WNT4: variants seen among roughly 807,000 people sequenced by gnomAD.
WNT4 encodes the protein protein Wnt-4.
Under a neutral mutation model 34.5 loss-of-function variants are expected in WNT4, and 16 were observed. The ratio of observed to expected loss-of-function variants is 0.46; its 90% CI spans 0.31 to 0.70. WNT4 has a LOEUF of 0.70. WNT4 is among the 30% of genes least tolerant of loss of function. The probability of loss-of-function intolerance (pLI) is 0.04; values close to 1 mark genes in which losing one functional copy is unlikely to be tolerated. For synonymous variants in WNT4, 200 were observed against 211.9 expected (o/e 0.94, Z 0.49); for missense variants, 379 against 495.9 (o/e 0.76, Z 2.24).
intron 1 of WNT4, among the ~76,000 whole-genome samples, chr1:22,132,760 C>T (rs888285415): frequency 2.0e-5 from 3 of 152,156 alleles, no homozygotes; most frequent in Admixed American, 1.3e-4. Flanking sequence ...CAACCTCTTC[C>T]GTTGGCACCA....
Position 22,117,444 on chromosome 1 carries a change from T to C in WNT4, c.*2606A>G, listed in dbSNP as rs1645858605. On this transcript the variant is annotated 3_prime_UTR_variant, in exon 5 of 5. Coordinates refer to ENST00000290167, the MANE Select transcript of WNT4 (RefSeq NM_030761.5). ...TAGCAGCATCCAGAGCTGGGCTTTA[T>C]CCAGCCCTAGGCCTCAGGGCATCAC... The C allele has an allele frequency of 6.6e-6, 1 of 152,280 alleles. No individual in the cohort carries two copies. The highest frequency in any genetic ancestry group is 1.5e-5 in the Non-Finnish European group (1 of 68,066). 9.4% of individuals were successfully genotyped at this position (152,280 alleles called of 1,614,324 possible). A position where few individuals can be genotyped will look rare whatever the true frequency, so the allele number is the denominator to read the frequency against.
chr1:22,124,764 G>A (rs1378935401), intron 2 of WNT4, among the ~76,000 whole-genome samples: 1 of 152,182 alleles, frequency 6.6e-6, no homozygotes, highest in African/African-American at 2.4e-5. Flanking sequence ...AGTTAGGAGT[G>A]TTTGGAGAAC....
intron 1 of WNT4, among the ~76,000 whole-genome samples, chr1:22,138,215 C>T (rs1418568564): frequency 6.6e-6 from 1 of 152,182 alleles, no homozygotes; most frequent in Non-Finnish European, 1.5e-5. Flanking sequence ...AGTCCTGCTT[C>T]TGATTTGCAG....
chr1:22,141,308 C>T (rs768087121), intron 1 of WNT4, among the ~76,000 whole-genome samples: 10 of 152,020 alleles, frequency 6.6e-5, no homozygotes, highest in Non-Finnish European at 1.5e-4. Context: ...TTTGGCGGTG[C>T]TGGGCAGGTG....
In WNT4 at chr1:22,121,660, G is replaced by A. The variant is rs1645899657; in HGVS notation, c.314-84C>T. 4 of 1,561,660 alleles carry A rather than the reference G, an allele frequency of 2.6e-6. No homozygotes were observed. In the Admixed American group the frequency reaches 5.6e-5, roughly 22 times the overall value. On this transcript the variant is annotated intron_variant, in intron 2 of 4. Coordinates refer to ENST00000290167, the MANE Select transcript of WNT4 (RefSeq NM_030761.5). The stretch of plus-strand genomic sequence containing the variant: ...TTGTAGAGGGGGAGGGGCATATGGA[G>A]CCTCCTGCTTGCTGGAGGCCAGGAG...
At chr1:22,125,990 T>G (rs368292132) in intron 2 of WNT4, among the ~76,000 whole-genome samples, 1 of 152,268 alleles carries the variant, frequency 6.6e-6, no homozygotes. Context: ...TTACCTATTA[T>G]GTGCAGGTCC....
rs752231863 is a variant in WNT4 at position 22,120,156 on chromosome 1, G to C, written c.950C>G (p.Thr317Arg). 24 of 1,613,532 alleles carry C rather than the reference G, an allele frequency of 1.5e-5. No individual in the cohort carries two copies. The highest frequency in any genetic ancestry group is 1.9e-5 in the Non-Finnish European group (23 of 1,179,918). Residue 317 changes from threonine (T) to arginine (R), a missense_variant, in exon 5 of 5, where the codon ACG (threonine) becomes AGG (arginine). Physicochemically the swap from Thr to Arg is moderately conservative, Grantham distance 71. Around this residue, in one of 2 missense-constraint regions of WNT4, gnomAD observed 313 missense variants for 445.8 expected, o/e 0.70. Coordinates refer to ENST00000290167, the MANE Select transcript of WNT4 (RefSeq NM_030761.5). ...GCGTTCAGCCAGCTCCACCTGCGCCGTGTGGAAGCCGCGGCCACAGCACAG... is the reference window on the plus strand; with the variant it reads ...GCGTTCAGCCAGCTCCACCTGCGCCCTGTGGAAGCCGCGGCCACAGCACAG... Reference protein sequence around the residue: ...ELLCCGRGFHTAQVELAERCS... With the variant: ...ELLCCGRGFHRAQVELAERCS...
rs1646059215 is a variant in WNT4 at position 22,140,638 on chromosome 1, T to C, written c.77+2208A>G. The stretch of plus-strand genomic sequence containing the variant: ...TGGCCAGCTGATTGTTCGACAGAGG[T>C]TGATAAATATTGGACCAACCTTGGT... On this transcript the variant is annotated intron_variant, in intron 1 of 4. Coordinates refer to ENST00000290167, the MANE Select transcript of WNT4 (RefSeq NM_030761.5). The surrounding 1 kb of genome is among the most constrained non-coding windows in gnomAD (Gnocchi z 5.9). 6.6e-6 allele frequency among the ~76,000 whole-genome samples: 1 copy of C among 152,116 alleles called. No individual in the cohort carries two copies. The highest frequency in any genetic ancestry group is 2.4e-5 in the African/African-American group (1 of 41,412).
rs772656483 is a variant in WNT4, at chr1:22,120,442, G to A, written c.664C>T (p.Arg222Ter). Residue 222 changes from arginine to a stop codon, truncating the protein, a stop_gained, in exon 5 of 5, where the codon CGA becomes TGA. Coordinates refer to ENST00000290167, the MANE Select transcript of WNT4 (RefSeq NM_030761.5). LOFTEE classifies it high-confidence loss of function. Reference sequence around the variant, plus strand: ...ACCTGGCGGAAGGGCGGCACGGCTCGCCAGCACGTCTTTACCTCACAGGAG... The same window carrying A: ...ACCTGGCGGAAGGGCGGCACGGCTCACCAGCACGTCTTTACCTCACAGGAG... ...SGSCEVKTCW[R>*]AVPPFRQVGH... 1.2e-6 allele frequency: 2 copies of A among 1,613,658 alleles called. No individual in the cohort carries two copies. Among genetic ancestry groups the A allele is most frequent in the Non-Finnish European group, 8.5e-7 (1 of 1,179,856 alleles).
rs978112163 is a variant in WNT4, at chr1:22,137,582, C to T, written c.77+5264G>A. Among the ~76,000 whole-genome samples, 16 of 152,352 alleles carry T rather than the reference C, an allele frequency of 1.1e-4. No homozygotes were observed. The East Asian group carries it at 1.2e-3, about 11-fold the overall frequency. On this transcript the variant is annotated intron_variant, in intron 1 of 4. Coordinates refer to ENST00000290167, the MANE Select transcript of WNT4 (RefSeq NM_030761.5). This position sits in a 1 kb window ranked among gnomAD's most constrained non-coding sequence, Gnocchi z 5.3. Reference sequence around the variant, plus strand: ...GTGTACCCACAGAGCCTGAGTTGGGCGAGTTTCAACAGGTTTGGGGAGCAC... The same window carrying T: ...GTGTACCCACAGAGCCTGAGTTGGGTGAGTTTCAACAGGTTTGGGGAGCAC...
Position 22,142,708 on chromosome 1 carries a change from C to T in WNT4, c.77+138G>A. ...TCGGGCCGTGGCGGCGGCAGCGGAG[C>T]GAGCGAGCCTCCGGTCCCGCGGCCG... On this transcript the variant is annotated intron_variant, in intron 1 of 4. Transcript: ENST00000290167. This position sits in a 1 kb window ranked among gnomAD's most constrained non-coding sequence, Gnocchi z 6.0. 1.9e-6 allele frequency: 1 copy of T among 521,978 alleles called. No homozygotes were observed. The highest frequency in any genetic ancestry group is 2.5e-6 in the Non-Finnish European group (1 of 406,994). The allele number at this position is 521,978 out of a possible 1,614,324, so 32.3% of individuals were successfully genotyped here.
rs1204811348 is a variant in WNT4, at chr1:22,129,788, C to T, written c.141G>A (p.Lys47=). ...ISEEETCEKL[K]GLIQRQVQMC... is the part of the protein sequence containing the mutation. Reference sequence around the variant, plus strand: ...TCTGCACCTGCCTCTGGATCAGGCCCTTGAGTTTCTCGCACGTCTCCTCCT... The same window carrying T: ...TCTGCACCTGCCTCTGGATCAGGCCTTTGAGTTTCTCGCACGTCTCCTCCT... Residue 47 remains lysine (K), a synonymous_variant, in exon 2 of 5, where the codon AAG becomes AAA. Coordinates refer to ENST00000290167, the MANE Select transcript of WNT4 (RefSeq NM_030761.5). The T allele has an allele frequency of 6.2e-7, 1 of 1,614,108 alleles. No homozygotes were observed. Among genetic ancestry groups the T allele is most frequent in the Non-Finnish European group, 8.5e-7 (1 of 1,180,032 alleles).
chr1:22,122,871 C>T (rs1165179659), intron 2 of WNT4, among the ~76,000 whole-genome samples: 1 of 152,180 alleles, frequency 6.6e-6, no homozygotes, highest in Non-Finnish European at 1.5e-5. Context: ...TCAGGACGCC[C>T]TGTTCTTGGT....
intron 2 of WNT4, among the ~76,000 whole-genome samples, chr1:22,125,418 C>T (rs575503123): frequency 6.6e-5 from 10 of 152,224 alleles, no homozygotes; most frequent in South Asian, 4.2e-4. Flanking sequence ...TCACTGGGTC[C>T]GGTGTGATGC....
Position 22,134,815 on chromosome 1 carries a change from C to T in WNT4, c.78-4964G>A, listed in dbSNP as rs1294951679. Among the ~76,000 whole-genome samples, 3 of 152,208 alleles carry T rather than the reference C, an allele frequency of 2.0e-5. No homozygotes were observed. The East Asian group carries it at 5.8e-4, about 29-fold the overall frequency. ...GGCCACCCCTCTGCTGCACCCCAGA[C>T]CAGACCCATGCTGACTTCTGCTCAT... On this transcript the variant is annotated intron_variant, in intron 1 of 4. Transcript: ENST00000290167. This position sits in a 1 kb window ranked among gnomAD's most constrained non-coding sequence, Gnocchi z 4.1.
chr1:22,119,973 A>T lies in WNT4; in HGVS notation c.*77T>A. On this transcript the variant is annotated 3_prime_UTR_variant, in exon 5 of 5. Coordinates refer to ENST00000290167, the MANE Select transcript of WNT4 (RefSeq NM_030761.5). ...AAATACAACCAGTATCTCTTGGGGT[A>T]GGTGGTGGGAGACTGTTTAAATTAT... The T allele has an allele frequency of 6.6e-7, 1 of 1,511,886 alleles. No individual in the cohort carries two copies. Among genetic ancestry groups the T allele is most frequent in the Non-Finnish European group, 9.0e-7 (1 of 1,109,590 alleles). The allele number at this position is 1,511,886 out of a possible 1,614,324, so 93.7% of individuals were successfully genotyped here.
Position 22,140,208 on chromosome 1 carries a change from GAC to G in WNT4, c.77+2636_77+2637del. On this transcript the variant is annotated intron_variant, in intron 1 of 4. Coordinates refer to ENST00000290167, the MANE Select transcript of WNT4 (RefSeq NM_030761.5). The surrounding 1 kb of genome is among the most constrained non-coding windows in gnomAD (Gnocchi z 5.9). The stretch of plus-strand genomic sequence containing the variant: ...CCTCCTCATACCTCACACTTGAAAA[GAC>G]ACAGTGCCAGCCATCATGCCTGCAT... The G allele has an allele frequency of 1.0e-6, 1 of 985,448 alleles. No individual in the cohort carries two copies. Among genetic ancestry groups the G allele is most frequent in the African/African-American group, 1.7e-5 (1 of 57,376 alleles). The allele number at this position is 985,448 out of a possible 1,614,324, so 61.0% of individuals were successfully genotyped here.
chr1:22,120,812 A>G (rs1252715478), intron 4 of WNT4, among the ~76,000 whole-genome samples: 2 of 152,178 alleles, frequency 1.3e-5, no homozygotes, highest in Non-Finnish European at 2.9e-5. Context: ...ACACTGCTGC[A>G]TTTAACCTCC....
At chr1:22,124,714 A>G (rs1182601274) in intron 2 of WNT4, among the ~76,000 whole-genome samples, 2 of 152,176 alleles carry the variant, frequency 1.3e-5, no homozygotes, top group Non-Finnish European at 2.9e-5. Context: ...ATCACTTGTG[A>G]AGTCTTTCCC....
Sources: gnomAD v4.1 joint callset for allele counts (sites outside exome capture counted in the v4.1 genomes callset) on GRCh38, gnomAD v4.1.1 for gene constraint, gnomAD v4.1.1 regional missense constraint, Gnocchi (gnomAD v3.1) non-coding constraint, MANE v1.5 for transcripts, NCBI Gene and HGNC (gene_info 2026-07-23, HGNC 2026-07-21) for gene names.